JAG1: variants seen among roughly 807,000 people sequenced by gnomAD.
JAG1 encodes the protein jagged canonical Notch ligand 1.
JAG1 carries 23 observed loss-of-function variants against 148.7 expected under a neutral mutation model. That is an observed-to-expected ratio of 0.15 (90% confidence interval 0.11 to 0.22). The LOEUF is 0.22. Among genes scored for constraint, JAG1 ranks in the 10% least tolerant of loss-of-function variants. The pLI is 1.00. For synonymous variants in JAG1, 572 were observed against 598.3 expected (o/e 0.96, Z 0.64); for missense variants, 1,054 against 1,611.2 (o/e 0.65, Z 5.92).
chr20:10,646,919 C>A lies in JAG1; in HGVS notation c.1885+20G>T. The A allele has an allele frequency of 6.2e-7, 1 of 1,613,378 alleles. No individual in the cohort carries two copies. Among genetic ancestry groups the A allele is most frequent in the Non-Finnish European group, 8.5e-7 (1 of 1,179,512 alleles). ...GCAGGCTGGGGAGCACTGGTCCATT[C>A]CCGGATGAGGGAGTCTTACTTTCAT... On this transcript the variant is annotated intron_variant, in intron 14 of 25. Coordinates refer to ENST00000254958, the MANE Select transcript of JAG1 (RefSeq NM_000214.3).
chr20:10,645,316 A>G lies in JAG1; in HGVS notation c.2113+40T>C, dbSNP rs1325267677. 3.8e-6 allele frequency: 6 copies of G among 1,597,744 alleles called. No homozygotes were observed. In the South Asian group the frequency reaches 4.4e-5, roughly 12 times the overall value. On this transcript the variant is annotated intron_variant, in intron 16 of 25. Transcript: ENST00000254958. The surrounding 1 kb of genome is among the most constrained non-coding windows in gnomAD (Gnocchi z 6.1). ...CCCCCTCCCACAGAAGACAGAGGGA[A>G]GGGTCCCAGAGATAGCATCCAAGGC...
Position 10,645,869 on chromosome 20 carries a change from T to C in JAG1, c.1999+102A>G, listed in dbSNP as rs947661515. The C allele has an allele frequency of 1.2e-6, 1 of 848,170 alleles. No individual in the cohort carries two copies. The highest frequency in any genetic ancestry group is 2.1e-6 in the Non-Finnish European group (1 of 485,150). The allele number at this position is 848,170 out of a possible 1,614,324, so 52.5% of individuals were successfully genotyped here. A position where few individuals can be genotyped will look rare whatever the true frequency, so the allele number is the denominator to read the frequency against. ...AGTGCAGAAATCACTGCGGTCTTGC[T>C]TCCAGAGATTTCCAGTACAAAGAAA... On this transcript the variant is annotated intron_variant, in intron 15 of 25. Coordinates refer to ENST00000254958, the MANE Select transcript of JAG1 (RefSeq NM_000214.3). The surrounding 1 kb of genome is among the most constrained non-coding windows in gnomAD (Gnocchi z 6.1).
intron 25 of JAG1, 132 bp from the exon 26 acceptor site, chr20:10,640,087 C>G (rs1037912674): frequency 2.0e-5 from 15 of 750,256 alleles, no homozygotes; most frequent in Non-Finnish European, 3.5e-5. Flanking sequence ...GGACAAGTCC[C>G]TTTTCATCAT....
intron 9 of JAG1, 100 bp downstream of exon 9, chr20:10,650,147 T>TGTGA: frequency 1.3e-6 from 1 of 749,616 alleles, no homozygotes; most frequent in Non-Finnish European, 2.4e-6. Context: ...CATGATGGAG[T>TGTGA]GTGAACTCAC....
chr20:10,641,957 G>A, intron 21 of JAG1, 65 bp from the exon 22 acceptor site: 1 of 1,067,228 alleles, frequency 9.4e-7, no homozygotes. Context: ...CAATTCTTTG[G>A]TCCCTGTTAT....
chr20:10,649,374 G>T, intron 10 of JAG1, 148 bp downstream of exon 10: 1 of 700,636 alleles, frequency 1.4e-6, no homozygotes, highest in Non-Finnish European at 2.6e-6. Context: ...TGTTTTCACT[G>T]CTGCCCTGAC....
intron 3 of JAG1, chr20:10,662,636 GTTCACAGT>G (rs1446421708): frequency 6.6e-6 from 1 of 152,278 alleles, no homozygotes; most frequent in Admixed American, 6.6e-5. Flanking sequence ...GTGACATAAT[GTTCACAGT>G]CCTCAACGTT....
chr20:10,656,508 C>G lies in JAG1; in HGVS notation c.695-50G>C, dbSNP rs773440389. On this transcript the variant is annotated intron_variant, in intron 4 of 25. Transcript: ENST00000254958. ...TCAGCACACTGCCTGTTCCTTGCAT[C>G]GCCCCGGTCATGAGAATGGCCCATT... is the stretch of plus-strand genomic sequence containing the variant. The G allele has an allele frequency of 4.0e-6, 6 of 1,512,622 alleles. No homozygotes were observed. The African/African-American group carries it at 5.5e-5, about 14-fold the overall frequency. The allele number at this position is 1,512,622 out of a possible 1,614,324, so 93.7% of individuals were successfully genotyped here. A position where few individuals can be genotyped will look rare whatever the true frequency, so the allele number is the denominator to read the frequency against.
chr20:10,660,366 GA>G (rs752910697), intron 3 of JAG1, among the ~76,000 whole-genome samples: 3 of 152,202 alleles, frequency 2.0e-5, no homozygotes, highest in Non-Finnish European at 4.4e-5. Flanking sequence ...AGAGGCCAAG[GA>G]ATGACAAAAA....
chr20:10,649,490 A>G (rs768487273), intron 10 of JAG1, 32 bp downstream of exon 10: 3 of 1,429,088 alleles, frequency 2.1e-6, no homozygotes, highest in Non-Finnish European at 3.0e-6. Context: ...CCCAAGTTTC[A>G]TGAAAATCAA....
Position 10,644,853 on chromosome 20 carries a change from G to A in JAG1, c.2344+10C>T. On this transcript the variant is annotated intron_variant, in intron 18 of 25. Coordinates refer to ENST00000254958, the MANE Select transcript of JAG1 (RefSeq NM_000214.3). Reference sequence around the variant, plus strand: ...AGCCCTGGGAGAGTTCAAGGGGGGAGGACACTCACTCTGAGCACAGATGGG... The same window carrying A: ...AGCCCTGGGAGAGTTCAAGGGGGGAAGACACTCACTCTGAGCACAGATGGG... 1.9e-6 allele frequency: 3 copies of A among 1,592,306 alleles called. No individual in the cohort carries two copies. Among genetic ancestry groups the A allele is most frequent in the Middle Eastern group, 1.7e-4 (1 of 6,006 alleles).
chr20:10,643,058 G>C (rs968693563), intron 20 of JAG1, among the ~76,000 whole-genome samples: 1 of 152,248 alleles, frequency 6.6e-6, no homozygotes, highest in Non-Finnish European at 1.5e-5. Context: ...CAGTGGGCTG[G>C]ATACGGCCCC....
intron 2 of JAG1, among the ~76,000 whole-genome samples, chr20:10,667,373 T>G (rs2067462199): frequency 6.6e-6 from 1 of 152,210 alleles, no homozygotes; most frequent in Non-Finnish European, 1.5e-5. Flanking sequence ...GTGTTAGCAT[T>G]ATTTTTGGAG....
intron 5 of JAG1, 144 bp downstream of exon 5, chr20:10,656,254 C>T: frequency 1.5e-6 from 1 of 677,814 alleles, no homozygotes; most frequent in Admixed American, 2.2e-5. Context: ...ATTTAATAAG[C>T]TTCGGATGTG....
intron 20 of JAG1, among the ~76,000 whole-genome samples, chr20:10,642,928 G>A (rs949934805): frequency 6.6e-6 from 1 of 152,236 alleles, no homozygotes; most frequent in African/African-American, 2.4e-5. Context: ...CTTAGGCTTT[G>A]TGGGGTATAT....
chr20:10,651,807 A>G, intron 7 of JAG1, 113 bp from the exon 8 acceptor site: 2 of 751,930 alleles, frequency 2.7e-6, no homozygotes, highest in Non-Finnish European at 4.7e-6. Context: ...TATTTCAAAA[A>G]CCAAAAGCAA....
chr20:10,647,945 G>C lies in JAG1; in HGVS notation c.1720+15C>G. 6.2e-7 allele frequency: 1 copy of C among 1,613,878 alleles called. No individual in the cohort carries two copies. The highest frequency in any genetic ancestry group is 8.5e-7 in the Non-Finnish European group (1 of 1,179,986). ...CAAGTCTGGAGACAGCCAGGTCCCG[G>C]GAGAAGGGAGGTACCTTCACAGGGG... On this transcript the variant is annotated intron_variant, in intron 13 of 25. Transcript: ENST00000254958.
chr20:10,667,400 C>T, intron 2 of JAG1, among the ~76,000 whole-genome samples: 2 of 152,180 alleles, frequency 1.3e-5, no homozygotes, highest in African/African-American at 4.8e-5. Flanking sequence ...TATTATTCTC[C>T]ATAATCCTCA....
rs570339484 is a variant in JAG1 at position 10,664,367 on chromosome 20, TGA to T, written c.388-355_388-354del. On this transcript the variant is annotated intron_variant, in intron 2 of 25. Coordinates refer to ENST00000254958, the MANE Select transcript of JAG1 (RefSeq NM_000214.3). ...CTTTCCAGACCCTGACCCTAGTGCA[TGA>T]GGAAACACACACACACACACACACA... Among the ~76,000 whole-genome samples, 298 of 113,752 alleles carry T rather than the reference TGA, an allele frequency of 2.6e-3. 1 individual carries two copies. Among genetic ancestry groups the T allele is most frequent in the Middle Eastern group, 4.6e-3 (1 of 216 alleles). The allele number at this position is 113,752 out of a possible 152,430, so 74.6% of individuals were successfully genotyped here.
Sources: gnomAD v4.1 joint callset for allele counts (sites outside exome capture counted in the v4.1 genomes callset) on GRCh38, gnomAD v4.1.1 for gene constraint, Gnocchi (gnomAD v3.1) non-coding constraint, MANE v1.5 for transcripts, NCBI Gene and HGNC (gene_info 2026-07-23, HGNC 2026-07-21) for gene names.